MAST4: variants seen among roughly 807,000 people sequenced by gnomAD.
MAST4 encodes microtubule associated serine/threonine kinase family member 4.
A neutral mutation model predicts 162.7 loss-of-function variants in MAST4; 89 were observed. That is an observed-to-expected ratio of 0.55 (90% CI 0.46 to 0.65). MAST4 has a LOEUF of 0.65. Among genes scored for constraint, MAST4 ranks in the 30% least tolerant of loss-of-function variants. The pLI, the probability that MAST4 is intolerant of heterozygous loss-of-function variation, is 0.00. For synonymous variants in MAST4, 1,479 were observed against 1,361.1 expected (o/e 1.09, Z -1.91); for missense variants, 3,153 against 3,374.0 (o/e 0.93, Z 1.62).
chr5:66,943,661 C>A (rs1353490011), intron 4 of MAST4, among the ~76,000 whole-genome samples: 1 of 151,932 alleles, frequency 6.6e-6, no homozygotes, highest in Non-Finnish European at 1.5e-5. Context: ...GTACTTAAAA[C>A]TTTTTAGTAT....
At position 66,756,391 on chromosome 5, in the gene MAST4, C is replaced by G. The variant is rs189687348; in HGVS notation, c.364-3318C>G. 4.1e-3 allele frequency among the ~76,000 whole-genome samples: 630 copies of G among 152,308 alleles called. 1 individual carries two copies. The highest frequency in any genetic ancestry group is 0.013 in the South Asian group (62 of 4,816). On this transcript the variant is annotated intron_variant, in intron 1 of 28. Transcript: ENST00000403625. The stretch of plus-strand genomic sequence containing the variant: ...ACCTGGCCCTCTAGGAGTACACAGC[C>G]TGCTTAGGGAGAGGAACCACAAGTA...
chr5:67,012,118 T>C (rs1185435104), intron 4 of MAST4, among the ~76,000 whole-genome samples: 3 of 152,178 alleles, frequency 2.0e-5, no homozygotes, highest in African/African-American at 2.4e-5. Context: ...ATGGTTTTGC[T>C]TGCTTCTCTT....
At chr5:66,896,630 G>A (rs901048386) in intron 3 of MAST4, among the ~76,000 whole-genome samples, 2 of 152,226 alleles carry the variant, frequency 1.3e-5, no homozygotes, top group Non-Finnish European at 2.9e-5. Flanking sequence ...GGCATGTATA[G>A]CCATATTGTT....
At chr5:66,883,593 T>C (rs1761846541) in intron 3 of MAST4, among the ~76,000 whole-genome samples, 4 of 151,908 alleles carry the variant, frequency 2.6e-5, no homozygotes, top group Admixed American at 2.6e-4. Context: ...CAGACCCGGC[T>C]AATTTTTGTA....
At chr5:66,780,607 T>C (rs1399291751) in intron 2 of MAST4, among the ~76,000 whole-genome samples, 1 of 152,168 alleles carries the variant, frequency 6.6e-6, no homozygotes, top group Non-Finnish European at 1.5e-5. Flanking sequence ...GCTTCCACAG[T>C]GTGAAAAGGG....
chr5:66,643,953 A>G (rs1223465377), intron 1 of MAST4, among the ~76,000 whole-genome samples: 1 of 151,506 alleles, frequency 6.6e-6, no homozygotes, highest in African/African-American at 2.4e-5. Context: ...ATTTTGATCA[A>G]GAGTTATATT....
At chr5:67,120,889 C>T in intron 13 of MAST4, 128 bp from the exon 14 acceptor site, 1 of 642,570 alleles carries the variant, frequency 1.6e-6, no homozygotes, top group Non-Finnish European at 2.6e-6. Flanking sequence ...CCCTCAGGTT[C>T]CTGTGGCTGG....
At chr5:66,639,487 A>G (rs1233681998) in intron 1 of MAST4, among the ~76,000 whole-genome samples, 1 of 152,252 alleles carries the variant, frequency 6.6e-6, no homozygotes, top group Admixed American at 6.5e-5. Flanking sequence ...ACAAATGCAC[A>G]TAACTATATT....
At chr5:67,009,718 C>T (rs148639730) in intron 4 of MAST4, among the ~76,000 whole-genome samples, 70 of 152,124 alleles carry the variant, frequency 4.6e-4, no homozygotes, top group African/African-American at 1.5e-3. Context: ...AGAGCTGAGG[C>T]GCTTGGCATA....
At chr5:66,637,912 T>C (rs1745228393) in intron 1 of MAST4, among the ~76,000 whole-genome samples, 1 of 152,110 alleles carries the variant, frequency 6.6e-6, no homozygotes, top group African/African-American at 2.4e-5. Context: ...GGTCTCACCA[T>C]GTTACCCAGG....
At chr5:67,120,028 G>A (rs963574177) in intron 13 of MAST4, among the ~76,000 whole-genome samples, 15 of 152,204 alleles carry the variant, frequency 9.9e-5, no homozygotes, top group Admixed American at 2.6e-4. Flanking sequence ...TCCCAGTCTC[G>A]AAGTCTGTTT....
At chr5:66,773,879 G>A (rs1227943718) in intron 2 of MAST4, among the ~76,000 whole-genome samples, 5 of 152,194 alleles carry the variant, frequency 3.3e-5, no homozygotes, top group Admixed American at 2.0e-4. Flanking sequence ...GATAAACTGT[G>A]ACTGCTGTAA....
chr5:67,166,261 C>A lies in MAST4; in HGVS notation c.7082C>A (p.Pro2361Gln), dbSNP rs760332720. 2 of 1,553,666 alleles carry A rather than the reference C, an allele frequency of 1.3e-6. No individual in the cohort carries two copies. Among genetic ancestry groups the A allele is most frequent in the Non-Finnish European group, 1.7e-6 (2 of 1,148,066 alleles). The change falls in exon 29 of 29, where the codon CCG becomes CAG. Residue 2361 changes from proline (P) to glutamine (Q), a missense_variant. By Grantham distance (76) the Pro-to-Gln change is moderately conservative. Coordinates refer to ENST00000403625, the MANE Select transcript of MAST4 (RefSeq NM_001164664.2). The part of the protein sequence containing the change: ...NRQTDKSPSQ[P>Q]AANTDRRAEG... ...CAGACAGACAAAAGCCCGAGTCAGC[C>A]GGCCGCCAACACCGACAGAAGGGCG...
At chr5:66,961,746 C>T (rs551078066) in intron 4 of MAST4, among the ~76,000 whole-genome samples, 117 of 152,116 alleles carry the variant, frequency 7.7e-4, no homozygotes, top group African/African-American at 2.8e-3. Flanking sequence ...CTATGCATGC[C>T]GATTTTAGGA....
At chr5:67,159,043 A>C (rs1024284553) in intron 26 of MAST4, among the ~76,000 whole-genome samples, 2 of 152,240 alleles carry the variant, frequency 1.3e-5, no homozygotes, top group Non-Finnish European at 2.9e-5. Flanking sequence ...TCAAAAAACA[A>C]CAAAAAAAGA....
At chr5:66,725,692 T>A (rs1169100682) in intron 1 of MAST4, among the ~76,000 whole-genome samples, 1 of 152,172 alleles carries the variant, frequency 6.6e-6, no homozygotes, top group African/African-American at 2.4e-5. Context: ...TATATTTCTT[T>A]CCATTCTGTG....
rs1192272668 is a variant in MAST4, at chr5:66,596,426, A to G, written c.-230A>G. ...GCGCAGATCGCGGACCCGAGCGGGC[A>G]TGTCCCCGCGCGCGGGAGCCTCCGT... is the stretch of plus-strand genomic sequence containing the variant. On this transcript the variant is annotated 5_prime_UTR_variant, in exon 1 of 29. It removes an upstream start codon present in the reference 5' UTR. Transcript: ENST00000403625. 10 of 416,000 alleles carry G rather than the reference A, an allele frequency of 2.4e-5. No individual in the cohort carries two copies. Among genetic ancestry groups the G allele is most frequent in the African/African-American group, 4.1e-5 (2 of 48,546 alleles). 25.8% of individuals were successfully genotyped at this position (416,000 alleles called of 1,614,324 possible).
At chr5:67,072,894 G>C (rs1554092524) in intron 5 of MAST4, among the ~76,000 whole-genome samples, 1 of 152,034 alleles carries the variant, frequency 6.6e-6, no homozygotes, top group Non-Finnish European at 1.5e-5. Context: ...AACTTTATTT[G>C]AAAAGTAAAC....
At chr5:66,692,981 T>C (rs921513349) in intron 1 of MAST4, among the ~76,000 whole-genome samples, 1 of 133,704 alleles carries the variant, frequency 7.5e-6, no homozygotes, top group Non-Finnish European at 1.5e-5. Context: ...TTTTAAAGTT[T>C]GTATTTTTTT....
Sources: gnomAD v4.1 joint callset for allele counts (sites outside exome capture counted in the v4.1 genomes callset) on GRCh38, gnomAD v4.1.1 for gene constraint, MANE v1.5 for transcripts, NCBI Gene and HGNC (gene_info 2026-07-23, HGNC 2026-07-21) for gene names.